Variants in APOLD1 observed in about 807,000 individuals in gnomAD.
APOLD1 encodes apolipoprotein L domain containing 1, also known as apolipoprotein L domain-containing protein 1.
A neutral mutation model predicts 15.3 loss-of-function variants in APOLD1; 22 were observed. The observed-to-expected ratio is 1.44, with a 90% CI of 1.03 to 2.05. The LOEUF is 2.05. APOLD1 is among the 30% of genes most tolerant of loss of function. The probability of loss-of-function intolerance (pLI) is 0.00; values close to 1 mark genes in which losing one functional copy is unlikely to be tolerated. For missense variants in APOLD1, 394 were observed against 353.5 expected (o/e 1.11, Z -0.92); for synonymous variants, 190 against 167.4 (o/e 1.13, Z -1.04).
chr12:12,735,150 G>A (rs948586819), intron 1 of APOLD1, among the ~76,000 whole-genome samples: 6 of 152,076 alleles, frequency 3.9e-5, no homozygotes, highest in Non-Finnish European at 5.9e-5. Flanking sequence ...CCAGCTACTC[G>A]GGAGTTTGAG....
chr12:12,762,638 C>T (rs1946910024), intron 1 of APOLD1, among the ~76,000 whole-genome samples: 2 of 151,772 alleles, frequency 1.3e-5, no homozygotes, highest in Admixed American at 1.3e-4. Context: ...CAGGTGTGAG[C>T]CACCACGCCC....
intron 1 of APOLD1, 82 bp downstream of exon 1, chr12:12,785,776 G>A (rs373943998): frequency 1.4e-5 from 19 of 1,370,074 alleles, no homozygotes; most frequent in Non-Finnish European, 1.7e-5. Flanking sequence ...TCCCTGGTGG[G>A]TTGGATTATG....
intron 1 of APOLD1, among the ~76,000 whole-genome samples, chr12:12,733,589 T>G (rs1467212975): frequency 6.6e-6 from 1 of 152,238 alleles, no homozygotes; most frequent in East Asian, 1.9e-4. Context: ...GAAAAAACCA[T>G]GAAGGTATTT....
At chr12:12,779,171 T>C (rs1947060949) in intron 1 of APOLD1, among the ~76,000 whole-genome samples, 2 of 152,320 alleles carry the variant, frequency 1.3e-5, no homozygotes, top group South Asian at 4.1e-4. Flanking sequence ...TTCAGCTCAA[T>C]ATCAGTGCTC....
intron 1 of APOLD1, among the ~76,000 whole-genome samples, chr12:12,738,743 A>G (rs1235276059): frequency 6.6e-6 from 1 of 152,170 alleles, no homozygotes. Context: ...GCATTTGAAA[A>G]GAAGTTTGAC....
chr12:12,786,935 G>C lies in APOLD1; in HGVS notation c.30G>C (p.Glu10Asp). The change falls in exon 2 of 2, where the codon GAG becomes GAC. Residue 10 changes from glutamate (E) to aspartate (D), a missense_variant. Glu to Asp is a conservative substitution (Grantham distance 45, BLOSUM62 2). Transcript: ENST00000356591. The stretch of plus-strand genomic sequence containing the variant: ...GAATGGAGAGGCCGGCGGCCCGGGA[G>C]CCGCATGGGCCCGACGCGCTGCGGC... MGMERPAAR[E>D]PHGPDALRRF... 1 of 1,452,368 alleles carries C rather than the reference G, an allele frequency of 6.9e-7. No individual in the cohort carries two copies. The highest frequency in any genetic ancestry group is 9.0e-7 in the Non-Finnish European group (1 of 1,111,608). 90.0% of individuals were successfully genotyped at this position (1,452,368 alleles called of 1,614,324 possible). A position where few individuals can be genotyped will look rare whatever the true frequency, so the allele number is the denominator to read the frequency against.
At chr12:12,742,017 T>C (rs772273446) in intron 1 of APOLD1, among the ~76,000 whole-genome samples, 1 of 152,202 alleles carries the variant, frequency 6.6e-6, no homozygotes, top group Admixed American at 6.5e-5. Flanking sequence ...AAAGACCATA[T>C]GGTAATTAAA....
chr12:12,748,983 TGTGGTAA>T (rs947273558), intron 1 of APOLD1, among the ~76,000 whole-genome samples: 16 of 152,298 alleles, frequency 1.1e-4, no homozygotes, highest in African/African-American at 3.1e-4. Context: ...TCTTCCCAGA[TGTGGTAA>T]GTGTGAGGTG....
chr12:12,728,938 A>G (rs1946616114), intron 1 of APOLD1, among the ~76,000 whole-genome samples: 2 of 152,158 alleles, frequency 1.3e-5, no homozygotes, highest in African/African-American at 4.8e-5. Flanking sequence ...CCAACATGAC[A>G]AAGATGGCAG....
intron 1 of APOLD1, among the ~76,000 whole-genome samples, 182 bp downstream of exon 1, chr12:12,785,876 A>ATGTC (rs1192767824): frequency 6.6e-6 from 1 of 152,224 alleles, no homozygotes; most frequent in African/African-American, 2.4e-5. Context: ...CTAGAATCTG[A>ATGTC]TGTCTGATGC....
chr12:12,787,267 A>G lies in APOLD1; in HGVS notation c.362A>G (p.Gln121Arg), dbSNP rs897705637. ...AACTCCCGGGAGCTGCGGAGGGTGC[A>G]GGAGATCGCGGCCACCTGCCAGGAC... is the stretch of plus-strand genomic sequence containing the variant. ...FCNSRELRRVQEIAATCQDQM... is the reference protein window; with the variant it reads ...FCNSRELRRVREIAATCQDQM... Residue 121 changes from glutamine (Q) to arginine (R), a missense_variant, in exon 2 of 2, where the codon CAG (glutamine) becomes CGG (arginine). Transcript: ENST00000356591. This position sits in a 1 kb window ranked among gnomAD's most constrained non-coding sequence, Gnocchi z 4.9. The G allele has an allele frequency of 6.3e-7, 1 of 1,596,754 alleles. No individual in the cohort carries two copies. Among genetic ancestry groups the G allele is most frequent in the East Asian group, 2.2e-5 (1 of 44,786 alleles).
Position 12,742,430 on chromosome 12 carries a change from T to C in APOLD1, c.96+16334T>C, listed in dbSNP as rs115025030. On this transcript the variant is annotated intron_variant, in intron 1 of 1. Coordinates refer to the APOLD1 transcript ENST00000326765. ...CCTTTGATGCTCACCTCCATATCGA[T>C]TCAGGCATTTCTCAAAGGCCACCTT... 1.9e-3 allele frequency among the ~76,000 whole-genome samples: 290 copies of C among 152,300 alleles called. 1 individual carries two copies. Among genetic ancestry groups the C allele is most frequent in the African/African-American group, 6.9e-3 (285 of 41,568 alleles).
chr12:12,755,045 C>CAAAAA (rs938797230), intron 1 of APOLD1, among the ~76,000 whole-genome samples: 1 of 150,968 alleles, frequency 6.6e-6, no homozygotes, highest in Non-Finnish European at 1.5e-5. Context: ...GGCCCTCTCT[C>CAAAAA]AAAAAAACAA....
chr12:12,786,193 A>G (rs918775765), intron 1 of APOLD1, among the ~76,000 whole-genome samples: 1 of 152,238 alleles, frequency 6.6e-6, no homozygotes, highest in African/African-American at 2.4e-5. Context: ...AAAGAGACAT[A>G]ATGGTATTAA....
rs1056420838 is a variant in APOLD1 at position 12,786,984 on chromosome 12, C to T, written c.79C>T (p.Arg27Cys). Residue 27 changes from arginine (R) to cysteine (C), a missense_variant, in exon 2 of 2, where the codon CGC becomes TGC. Arg to Cys is a radical substitution (Grantham distance 180, BLOSUM62 -3). Coordinates refer to ENST00000356591, the MANE Select transcript of APOLD1 (RefSeq NM_030817.3). Reference protein sequence around the residue: ...LRRFQGLLLDRRGRLHGQVLR... With the variant: ...LRRFQGLLLDCRGRLHGQVLR... ...GCGCTTCCAGGGACTGCTGCTGGACCGCCGAGGCCGGCTGCACGGCCAGGT... is the reference window on the plus strand; with the variant it reads ...GCGCTTCCAGGGACTGCTGCTGGACTGCCGAGGCCGGCTGCACGGCCAGGT... The T allele has an allele frequency of 4.9e-6, 7 of 1,427,758 alleles. No homozygotes were observed. Among genetic ancestry groups the T allele is most frequent in the East Asian group, 3.0e-5 (1 of 33,108 alleles). The allele number at this position is 1,427,758 out of a possible 1,614,324, so 88.4% of individuals were successfully genotyped here. A position where few individuals can be genotyped will look rare whatever the true frequency, so the allele number is the denominator to read the frequency against.
rs543187126 is a variant in APOLD1, at chr12:12,736,394, G to C, written c.96+10298G>C. ...ACAAAAAAACTAGCTGGGCATGGTG[G>C]TGTGCACCTGTAGTCCCAGCTACTT... On this transcript the variant is annotated intron_variant, in intron 1 of 1. Transcript: ENST00000326765. 2.6e-5 allele frequency among the ~76,000 whole-genome samples: 4 copies of C among 151,614 alleles called. No individual in the cohort carries two copies. The South Asian group carries it at 8.3e-4, about 32-fold the overall frequency.
chr12:12,757,914 A>G (rs572922945), intron 1 of APOLD1, among the ~76,000 whole-genome samples: 1 of 151,492 alleles, frequency 6.6e-6, no homozygotes, highest in African/African-American at 2.4e-5. Flanking sequence ...GATGGAAAGC[A>G]ACTAAAGCAA....
chr12:12,749,275 A>C (rs545063871), intron 1 of APOLD1, among the ~76,000 whole-genome samples: 1 of 152,154 alleles, frequency 6.6e-6, no homozygotes, highest in Non-Finnish European at 1.5e-5. Flanking sequence ...TTCTTTAGAA[A>C]AAAGTACATC....
Position 12,745,932 on chromosome 12 carries a change from G to A in APOLD1, c.96+19836G>A, listed in dbSNP as rs78291449. Among the ~76,000 whole-genome samples the A allele has an allele frequency of 6.4e-3, 980 of 152,212 alleles. 18 individuals are homozygous for A. The highest frequency in any genetic ancestry group is 0.021 in the African/African-American group (868 of 41,478). ...CAGAGTAGTCTGAGAAAGGGATCAG[G>A]AAGAGGGCATTTATCTGCCAGCTCC... On this transcript the variant is annotated intron_variant, in intron 1 of 1. Transcript: ENST00000326765.
Sources: gnomAD v4.1 joint callset for allele counts (sites outside exome capture counted in the v4.1 genomes callset) on GRCh38, gnomAD v4.1.1 for gene constraint, Gnocchi (gnomAD v3.1) non-coding constraint, MANE v1.5 for transcripts, NCBI Gene and HGNC (gene_info 2026-07-23, HGNC 2026-07-21) for gene names.